The following PCDHGA1 variants were observed in gnomAD, a reference collection of about 807,000 sequenced individuals.
PCDHGA1 encodes the protein protocadherin gamma-A1.
Under a neutral mutation model 58.0 loss-of-function variants are expected in PCDHGA1, and 32 were observed. The observed-to-expected ratio is 0.55, with a 90% confidence interval of 0.42 to 0.74. The LOEUF (loss-of-function observed/expected upper bound fraction) is 0.74. PCDHGA1 is among the 30% of genes least tolerant of loss of function. The pLI, the probability that PCDHGA1 is intolerant of heterozygous loss-of-function variation, is 0.00. For synonymous variants in PCDHGA1, 498 were observed against 501.1 expected, an observed-to-expected ratio of 0.99 and a Z score of 0.08; for missense variants, 1,205 against 1,182.3, an observed-to-expected ratio of 1.02 and a Z score of -0.28.
intron 1 of PCDHGA1, chr5:141,387,894 G>C: frequency 1.9e-6 from 3 of 1,540,604 alleles, no homozygotes; most frequent in Non-Finnish European, 8.7e-7. Context: ...GATGGGGAGC[G>C]GCGCCGGGGA....
chr5:141,399,173 T>C, intron 1 of PCDHGA1: 1 of 1,613,830 alleles, frequency 6.2e-7, no homozygotes, highest in East Asian at 2.2e-5. Context: ...CATTCTCTAC[T>C]TGAAATGATT....
At chr5:141,356,117 G>T (rs1012623543) in intron 1 of PCDHGA1, 4 of 1,613,752 alleles carry the variant, frequency 2.5e-6, no homozygotes, top group Non-Finnish European at 3.4e-6. Context: ...ATATTGGGGG[G>T]TCTAGATTAT....
rs530261329 is a variant in PCDHGA1, at chr5:141,440,076, A to G, written c.2422-54731A>G. 2.4e-4 allele frequency: 37 copies of G among 152,560 alleles called. No individual in the cohort carries two copies. In the South Asian group the frequency reaches 3.7e-3, roughly 15 times the overall value. The allele number at this position is 152,560 out of a possible 1,614,324, so 9.5% of individuals were successfully genotyped here. On this transcript the variant is annotated intron_variant, in intron 1 of 3. Coordinates refer to ENST00000517417, the MANE Select transcript of PCDHGA1 (RefSeq NM_018912.3). Reference sequence around the variant, plus strand: ...CTTCGGGTTAATGCTGAGGAATAATACTTCATTCTAAGTGGGGAAAGTGGA... The same window carrying G: ...CTTCGGGTTAATGCTGAGGAATAATGCTTCATTCTAAGTGGGGAAAGTGGA...
Position 141,476,443 on chromosome 5 carries a change from G to A in PCDHGA1, c.2422-18364G>A, listed in dbSNP as rs752285213. 1 of 1,614,044 alleles carries A rather than the reference G, an allele frequency of 6.2e-7. No individual in the cohort carries two copies. The highest frequency in any genetic ancestry group is 8.5e-7 in the Non-Finnish European group (1 of 1,180,038). ...TGCCCTCTTGCACTGTAACTCTGGAGTTGGTAGTGGAGAACCCGCTGGAGC... is the reference window on the plus strand; with the variant it reads ...TGCCCTCTTGCACTGTAACTCTGGAATTGGTAGTGGAGAACCCGCTGGAGC... On this transcript the variant is annotated intron_variant, in intron 1 of 3. Transcript: ENST00000517417. This position sits in a 1 kb window ranked among gnomAD's most constrained non-coding sequence, Gnocchi z 7.6.
chr5:141,427,197 A>C (rs1277186420), intron 1 of PCDHGA1: 4 of 456,762 alleles, frequency 8.8e-6, no homozygotes, highest in Admixed American at 2.3e-5. Context: ...CAAAGACTTA[A>C]TAGACTTCGA....
At chr5:141,399,475 C>T (rs1561669837) in intron 1 of PCDHGA1, 1 of 1,614,022 alleles carries the variant, frequency 6.2e-7, no homozygotes. Context: ...GGTTTTCCAC[C>T]AGGCGTCCTA....
At chr5:141,407,978 A>T (rs1354199341) in intron 1 of PCDHGA1, 8 of 743,974 alleles carry the variant, frequency 1.1e-5, no homozygotes, top group Non-Finnish European at 1.4e-5. Flanking sequence ...GACGCCGGGG[A>T]TCCGTCAGCC....
At chr5:141,360,312 G>A in intron 1 of PCDHGA1, 1 of 1,613,976 alleles carries the variant, frequency 6.2e-7, no homozygotes, top group East Asian at 2.2e-5. Flanking sequence ...TCAGCGTCCG[G>A]GACTTGCCAG....
chr5:141,384,922 C>T, intron 1 of PCDHGA1: 1 of 1,614,018 alleles, frequency 6.2e-7, no homozygotes, highest in Non-Finnish European at 8.5e-7. Context: ...CTTGGCCGAC[C>T]TGGGCAGCCT....
At chr5:141,460,122 G>A (rs530307574) in intron 1 of PCDHGA1, among the ~76,000 whole-genome samples, 2 of 151,928 alleles carry the variant, frequency 1.3e-5, no homozygotes, top group African/African-American at 4.8e-5. Flanking sequence ...TTTTATATAT[G>A]TAATATATAT....
intron 1 of PCDHGA1, among the ~76,000 whole-genome samples, chr5:141,363,702 G>T (rs185509758): frequency 3.9e-5 from 6 of 152,286 alleles, no homozygotes; most frequent in African/African-American, 1.4e-4. Context: ...AAATCAGTAG[G>T]CCTGTTTGGA....
At chr5:141,376,171 G>T (rs758847977) in intron 1 of PCDHGA1, 1 of 1,614,096 alleles carries the variant, frequency 6.2e-7, no homozygotes, top group South Asian at 1.1e-5. Context: ...TGGTGGTGGC[G>T]GTGGCCGCGG....
intron 1 of PCDHGA1, chr5:141,360,250 G>T (rs1239162060): frequency 6.2e-7 from 1 of 1,613,954 alleles, no homozygotes; most frequent in Non-Finnish European, 8.5e-7. Flanking sequence ...TTCAATTCCA[G>T]AGGAGCTGGC....
At chr5:141,439,151 C>T (rs563575567) in intron 1 of PCDHGA1, among the ~76,000 whole-genome samples, 1 of 150,892 alleles carries the variant, frequency 6.6e-6, no homozygotes, top group Admixed American at 6.6e-5. Context: ...TGAGATCACG[C>T]CACTGCACTC....
chr5:141,455,983 C>T (rs542017964), intron 1 of PCDHGA1, among the ~76,000 whole-genome samples: 23 of 151,546 alleles, frequency 1.5e-4, no homozygotes, highest in African/African-American at 5.1e-4. Context: ...CTGCAAGCTC[C>T]GCCTCTCGGG....
chr5:141,435,642 T>C lies in PCDHGA1; in HGVS notation c.2422-59165T>C, dbSNP rs1326178929. On this transcript the variant is annotated intron_variant, in intron 1 of 3. Coordinates refer to ENST00000517417, the MANE Select transcript of PCDHGA1 (RefSeq NM_018912.3). ...CATAACTTTTACAACTATGGGAAAA[T>C]TTCTGAAACGTGCACAGATTCCAAG... Among the ~76,000 whole-genome samples the C allele has an allele frequency of 2.0e-5, 3 of 152,156 alleles. No individual in the cohort carries two copies. The East Asian group carries it at 5.8e-4, about 29-fold the overall frequency.
intron 1 of PCDHGA1, chr5:141,422,319 TAC>T: frequency 6.5e-7 from 1 of 1,548,220 alleles, no homozygotes; most frequent in Admixed American, 2.1e-5. Flanking sequence ...CTCCTCCAGG[TAC>T]AGTGATTGCT....
At chr5:141,442,694 C>A (rs549307212) in intron 1 of PCDHGA1, among the ~76,000 whole-genome samples, 22 of 152,304 alleles carry the variant, frequency 1.4e-4, no homozygotes, top group Non-Finnish European at 3.1e-4. Flanking sequence ...GTCAGGCAGA[C>A]AAGAGTATCA....
chr5:141,436,220 T>C (rs1179034537), intron 1 of PCDHGA1, among the ~76,000 whole-genome samples: 2 of 152,096 alleles, frequency 1.3e-5, no homozygotes, highest in Non-Finnish European at 2.9e-5. Flanking sequence ...ACAAATGACT[T>C]GGGAAACTAA....
Sources: gnomAD v4.1 joint callset for allele counts (sites outside exome capture counted in the v4.1 genomes callset) on GRCh38, gnomAD v4.1.1 for gene constraint, Gnocchi (gnomAD v3.1) non-coding constraint, MANE v1.5 for transcripts, NCBI Gene and HGNC (gene_info 2026-07-23, HGNC 2026-07-21) for gene names.